The following GABRG3 variants were observed in gnomAD, a reference collection of about 807,000 sequenced individuals.
GABRG3 encodes gamma-aminobutyric acid receptor subunit gamma-3.
Under a neutral mutation model 48.8 loss-of-function variants are expected in GABRG3, and 25 were observed. That is an observed-to-expected ratio of 0.51 (90% CI 0.37 to 0.72). The LOEUF is 0.72. GABRG3 is among the 30% of genes least tolerant of loss of function. The pLI, the probability that GABRG3 is intolerant of heterozygous loss-of-function variation, is 0.00. For synonymous variants in GABRG3, 227 were observed against 217.6 expected (o/e 1.04, Z -0.38); for missense variants, 394 against 577.9 (o/e 0.68, Z 3.26).
At chr15:27,139,454 A>G (rs1387771994) in intron 3 of GABRG3, among the ~76,000 whole-genome samples, 2 of 152,086 alleles carry the variant, frequency 1.3e-5, no homozygotes, top group African/African-American at 2.4e-5. Flanking sequence ...GGTGATGGGG[A>G]TCATCCTTTC....
In GABRG3 at chr15:27,231,009, A is replaced by ATGTGTGTGTGTG. The variant is rs3068361; in HGVS notation, c.271-95771_271-95760dup. ...GTTGAGCCAAGTTTAAAACAGTAAA[A>ATGTGTGTGTGTG]TGTGTGTGTGTGTGTGTGTGTGTGT... On this transcript the variant is annotated intron_variant, in intron 3 of 9. Transcript: ENST00000615808. 1.4e-3 allele frequency among the ~76,000 whole-genome samples: 201 copies of ATGTGTGTGTGTG among 143,496 alleles called. 1 individual carries two copies. Among genetic ancestry groups the ATGTGTGTGTGTG allele is most frequent in the African/African-American group, 5.0e-3 (194 of 39,088 alleles). The allele number at this position is 143,496 out of a possible 152,430, so 94.1% of individuals were successfully genotyped here.
chr15:27,134,069 C>T (rs937821773), intron 3 of GABRG3, among the ~76,000 whole-genome samples: 7 of 152,172 alleles, frequency 4.6e-5, no homozygotes, highest in African/African-American at 9.7e-5. Context: ...GTTTATCTCC[C>T]ACCACCAAAG....
At chr15:27,393,106 G>A (rs1887188458) in intron 5 of GABRG3, among the ~76,000 whole-genome samples, 2 of 152,102 alleles carry the variant, frequency 1.3e-5, no homozygotes, top group Admixed American at 1.3e-4. Context: ...AGCACTTTGG[G>A]AGGCCAAGGC....
chr15:27,267,892 C>A (rs1890969862), intron 3 of GABRG3, among the ~76,000 whole-genome samples: 1 of 152,160 alleles, frequency 6.6e-6, no homozygotes, highest in African/African-American at 2.4e-5. Flanking sequence ...CTGCATTAAA[C>A]CTCACTTGAT....
At chr15:27,417,723 G>C (rs755252932) in intron 5 of GABRG3, among the ~76,000 whole-genome samples, 4 of 152,198 alleles carry the variant, frequency 2.6e-5, no homozygotes, top group Non-Finnish European at 4.4e-5. Context: ...CTTGGGTCAA[G>C]TGTATTTTTC....
intron 2 of GABRG3, among the ~76,000 whole-genome samples, chr15:27,017,356 C>G (rs1157078489): frequency 6.6e-6 from 1 of 152,198 alleles, no homozygotes; most frequent in African/African-American, 2.4e-5. Flanking sequence ...GGGGTTCACT[C>G]TGATGCCTGT....
chr15:27,416,835 G>C (rs1204719548), intron 5 of GABRG3, among the ~76,000 whole-genome samples: 1 of 152,186 alleles, frequency 6.6e-6, no homozygotes, highest in Non-Finnish European at 1.5e-5. Flanking sequence ...AGGAATCCAA[G>C]AAGAGTTACT....
chr15:26,995,531 C>T (rs1031793580), intron 2 of GABRG3, among the ~76,000 whole-genome samples: 23 of 141,518 alleles, frequency 1.6e-4, no homozygotes, highest in Admixed American at 5.0e-4. Flanking sequence ...CTCTTTTTCT[C>T]GTTTAATATC....
intron 3 of GABRG3, among the ~76,000 whole-genome samples, chr15:27,062,473 T>C (rs572986840): frequency 5.3e-4 from 43 of 80,444 alleles, no homozygotes; most frequent in Middle Eastern, 7.4e-3. Flanking sequence ...CCTTGCATGA[T>C]GGCAGGTGCC....
intron 3 of GABRG3, among the ~76,000 whole-genome samples, chr15:27,288,669 C>T (rs563365527): frequency 4.4e-4 from 67 of 150,996 alleles, no homozygotes; most frequent in Non-Finnish European, 8.8e-4. Context: ...GTCGAGATCA[C>T]GCCATTGCAC....
Position 26,976,977 on chromosome 15 carries a change from T to A in GABRG3, c.54-25T>A. On this transcript the variant is annotated intron_variant, in intron 1 of 9. Coordinates refer to ENST00000615808, the MANE Select transcript of GABRG3 (RefSeq NM_033223.5). This position sits in a 1 kb window ranked among gnomAD's most constrained non-coding sequence, Gnocchi z 7.8. ...TAGAGCCATTGCTGCCACTTATATG[T>A]CGCATTTTTGTGCTGTAACTCCAGG... is the stretch of plus-strand genomic sequence containing the variant. The A allele has an allele frequency of 6.2e-7, 1 of 1,613,730 alleles. No individual in the cohort carries two copies. Among genetic ancestry groups the A allele is most frequent in the Non-Finnish European group, 8.5e-7 (1 of 1,179,770 alleles).
chr15:26,995,302 C>T (rs1895319777), intron 2 of GABRG3, among the ~76,000 whole-genome samples: 1 of 151,878 alleles, frequency 6.6e-6, no homozygotes, highest in Non-Finnish European at 1.5e-5. Context: ...GCATTGTATA[C>T]CTTTTTCCAT....
chr15:27,314,048 A>G (rs1443299332), intron 3 of GABRG3, among the ~76,000 whole-genome samples: 1 of 152,156 alleles, frequency 6.6e-6, no homozygotes, highest in Non-Finnish European at 1.5e-5. Flanking sequence ...GATAAACAAA[A>G]TTGACAAACC....
At chr15:27,001,244 A>G (rs1895441569) in intron 2 of GABRG3, among the ~76,000 whole-genome samples, 1 of 152,264 alleles carries the variant, frequency 6.6e-6, no homozygotes, top group Admixed American at 6.5e-5. Flanking sequence ...AAGTAAACCC[A>G]GTTCCAGTTA....
At chr15:27,048,686 G>A (rs568001114) in intron 3 of GABRG3, among the ~76,000 whole-genome samples, 2 of 152,186 alleles carry the variant, frequency 1.3e-5, no homozygotes. Flanking sequence ...CAAAAAGAAA[G>A]ATGTCTTCAA....
At chr15:27,478,105 T>C (rs1890002996) in intron 5 of GABRG3, among the ~76,000 whole-genome samples, 1 of 151,416 alleles carries the variant, frequency 6.6e-6, no homozygotes, top group Non-Finnish European at 1.5e-5. Flanking sequence ...GATGCGCCAT[T>C]GCGAATGTAC....
chr15:27,305,374 GAAAT>G (rs1414377640), intron 3 of GABRG3, among the ~76,000 whole-genome samples: 1 of 150,898 alleles, frequency 6.6e-6, no homozygotes, highest in Non-Finnish European at 1.5e-5. Context: ...GAAAAATAAA[GAAAT>G]AGAGAGTCAT....
chr15:27,416,571 G>T (rs79198603), intron 5 of GABRG3, among the ~76,000 whole-genome samples: 3 of 152,102 alleles, frequency 2.0e-5, no homozygotes, highest in African/African-American at 4.8e-5. Flanking sequence ...GTAGAGCTTC[G>T]GCAGGTAAAA....
chr15:27,470,276 T>C (rs1889747364), intron 5 of GABRG3, among the ~76,000 whole-genome samples: 1 of 151,686 alleles, frequency 6.6e-6, no homozygotes, highest in Non-Finnish European at 1.5e-5. Flanking sequence ...AGTCTCGCTC[T>C]GTAATGGCGC....
Sources: allele counts gnomAD v4.1 joint callset (sites outside exome capture counted in the v4.1 genomes callset), GRCh38; gene constraint gnomAD v4.1.1; non-coding constraint Gnocchi (gnomAD v3.1); transcripts MANE v1.5; gene names NCBI Gene and HGNC (gene_info 2026-07-23, HGNC 2026-07-21).